BACH2: variants seen among roughly 807,000 people sequenced by gnomAD.
The protein encoded by BACH2 is BACH transcriptional regulator 2, also known as transcription regulator protein BACH2.
BACH2 carries 5 observed loss-of-function variants against 61.8 expected under a neutral mutation model. The ratio of observed to expected loss-of-function variants is 0.08; its 90% CI spans 0.04 to 0.17. The LOEUF (loss-of-function observed/expected upper bound fraction) is 0.17, where lower values mean the gene tolerates loss of function less well. Among genes scored for constraint, BACH2 ranks in the 10% least tolerant of loss-of-function variants. The pLI is 1.00. For synonymous variants in BACH2, 446 were observed against 440.1 expected (o/e 1.01, Z -0.17); for missense variants, 824 against 1,091.1 (o/e 0.76, Z 3.45).
chr6:90,056,563 C>T (rs974293583), intron 5 of BACH2, among the ~76,000 whole-genome samples: 88 of 152,114 alleles, frequency 5.8e-4, no homozygotes, highest in African/African-American at 2.1e-3. Context: ...GACAGATCAA[C>T]GAGACAGAAA....
At chr6:89,934,829 G>A (rs1772911984) in intron 8 of BACH2, among the ~76,000 whole-genome samples, 1 of 151,998 alleles carries the variant, frequency 6.6e-6, no homozygotes, top group South Asian at 2.1e-4. Context: ...AAATGAAGAG[G>A]AGAAAGGGAG....
intron 4 of BACH2, among the ~76,000 whole-genome samples, chr6:90,184,133 G>A (rs781589766): frequency 3.9e-5 from 6 of 152,164 alleles, no homozygotes; most frequent in Admixed American, 3.9e-4. Context: ...CCACAGGCAA[G>A]GTATTCCTGG....
chr6:90,064,698 T>C (rs979388516), intron 5 of BACH2, among the ~76,000 whole-genome samples: 3 of 152,232 alleles, frequency 2.0e-5, no homozygotes, highest in Non-Finnish European at 4.4e-5. Flanking sequence ...GAGCCATAGT[T>C]AAACGCTAAA....
intron 5 of BACH2, among the ~76,000 whole-genome samples, chr6:90,087,852 C>T (rs1273491472): frequency 6.6e-6 from 1 of 152,022 alleles, no homozygotes; most frequent in African/African-American, 2.4e-5. Context: ...GGTATCCACC[C>T]CCTCAAGCAT....
At chr6:90,247,619 T>C (rs1408997958) in intron 3 of BACH2, among the ~76,000 whole-genome samples, 1 of 152,174 alleles carries the variant, frequency 6.6e-6, no homozygotes, top group Non-Finnish European at 1.5e-5. Flanking sequence ...TTTTCTAAAC[T>C]TAGAGGAATT....
chr6:90,125,886 C>T (rs1259027188), intron 4 of BACH2, among the ~76,000 whole-genome samples: 1 of 152,240 alleles, frequency 6.6e-6, no homozygotes, highest in Non-Finnish European at 1.5e-5. Context: ...TCATCCACCC[C>T]TGCCACCCTC....
At chr6:89,977,806 C>T (rs1775735283) in intron 6 of BACH2, among the ~76,000 whole-genome samples, 1 of 152,212 alleles carries the variant, frequency 6.6e-6, no homozygotes, top group Admixed American at 6.5e-5. Context: ...AGCAAAGTCA[C>T]TGCAGTGTTC....
At chr6:90,190,369 T>C (rs1319736528) in intron 4 of BACH2, among the ~76,000 whole-genome samples, 1 of 152,196 alleles carries the variant, frequency 6.6e-6, no homozygotes, top group Non-Finnish European at 1.5e-5. Context: ...CCTGAAAAAA[T>C]GTTCATTCAT....
rs145744018 is a variant in BACH2, at chr6:89,928,121, G to GAAAACA, written c.*4281_*4286dup. The GAAAACA allele has an allele frequency of 0.093, 14,176 of 152,134 alleles. 758 individuals are homozygous for GAAAACA. Among genetic ancestry groups the GAAAACA allele is most frequent in the Middle Eastern group, 0.16 (46 of 292 alleles). 9.4% of individuals were successfully genotyped at this position (152,134 alleles called of 1,614,324 possible). ...GATACAACGAACAGCTTTATTCTTA[G>GAAAACA]AAAACAAAAACAAAAACAAAAAACA... On this transcript the variant is annotated 3_prime_UTR_variant, in exon 9 of 9. Coordinates refer to ENST00000257749, the MANE Select transcript of BACH2 (RefSeq NM_021813.4).
chr6:90,114,072 T>G (rs533144342), intron 4 of BACH2, among the ~76,000 whole-genome samples: 1 of 152,228 alleles, frequency 6.6e-6, no homozygotes, highest in Non-Finnish European at 1.5e-5. Flanking sequence ...GATTCACAGC[T>G]GAATCCCACC....
At chr6:90,127,142 T>C (rs1167583812) in intron 4 of BACH2, among the ~76,000 whole-genome samples, 8 of 152,254 alleles carry the variant, frequency 5.3e-5, no homozygotes, top group Non-Finnish European at 7.3e-5. Context: ...GACACAGTTA[T>C]ACGTTGTTGC....
At chr6:89,934,596 T>A (rs1416943031) in intron 8 of BACH2, among the ~76,000 whole-genome samples, 2 of 151,512 alleles carry the variant, frequency 1.3e-5, no homozygotes, top group Non-Finnish European at 2.9e-5. Context: ...GAGGTGGAGG[T>A]TGCAGTGAGC....
chr6:90,052,959 G>T (rs1188136094), intron 5 of BACH2, among the ~76,000 whole-genome samples: 3 of 151,824 alleles, frequency 2.0e-5, no homozygotes, highest in Non-Finnish European at 4.4e-5. Flanking sequence ...TTTTCTATTT[G>T]TCCTACTTTC....
chr6:90,100,702 G>GACACACACATACACACACACACAGAC lies in BACH2; in HGVS notation c.-161-11594_-161-11593insGTCTGTGTGTGTGTGTATGTGTGTGT, dbSNP rs1190617375. Among the ~76,000 whole-genome samples, 486 of 64,262 alleles carry GACACACACATACACACACACACAGAC rather than the reference G, an allele frequency of 7.6e-3. 3 individuals are homozygous for GACACACACATACACACACACACAGAC. Among genetic ancestry groups the GACACACACATACACACACACACAGAC allele is most frequent in the Non-Finnish European group, 0.01 (305 of 29,962 alleles). 42.2% of individuals were successfully genotyped at this position (64,262 alleles called of 152,430 possible). On this transcript the variant is annotated intron_variant, in intron 4 of 8. Coordinates refer to ENST00000257749, the MANE Select transcript of BACH2 (RefSeq NM_021813.4). The stretch of plus-strand genomic sequence containing the variant: ...CTCTCTCTCTACACACACACACACA[G>GACACACACATACACACACACACAGAC]ACACACACACACACACACACACACA...
chr6:90,159,086 C>A (rs1017259210), intron 4 of BACH2, among the ~76,000 whole-genome samples: 22 of 152,168 alleles, frequency 1.4e-4, no homozygotes, highest in African/African-American at 5.3e-4. Context: ...TCTTCTAAAG[C>A]AGACATTTAA....
chr6:90,138,089 C>G (rs867417722), intron 4 of BACH2, among the ~76,000 whole-genome samples: 46 of 141,410 alleles, frequency 3.3e-4, no homozygotes, highest in Middle Eastern at 7.4e-3. Context: ...CACACACACA[C>G]AGTCTCTCTC....
rs1368727043 is a variant in BACH2, at chr6:90,017,650, C to A, written c.-12-8794G>T. ...ACTGTGGTCCTTATCTCTAAAAGTC[C>A]CCTTTGGTCTTTTATAAAAAATCTT... On this transcript the variant is annotated intron_variant, in intron 5 of 8. Coordinates refer to ENST00000257749, the MANE Select transcript of BACH2 (RefSeq NM_021813.4). Among the ~76,000 whole-genome samples the A allele has an allele frequency of 2.0e-5, 3 of 152,084 alleles. No homozygotes were observed. In the East Asian group the frequency reaches 5.8e-4, roughly 29 times the overall value.
intron 5 of BACH2, among the ~76,000 whole-genome samples, chr6:90,076,988 C>T (rs1390361986): frequency 2.6e-5 from 4 of 152,162 alleles, no homozygotes; most frequent in African/African-American, 9.7e-5. Flanking sequence ...ACCAGCAATG[C>T]GGACATGCAC....
rs895275713 is a variant in BACH2 at position 89,926,947 on chromosome 6, T to C, written c.*5461A>G. ...ACCAGTTATGAGAGGTACAGAGGGT[T>C]ATACAGGTAGATATGTGTGAAAACT... On this transcript the variant is annotated 3_prime_UTR_variant, in exon 9 of 9. Transcript: ENST00000257749. 1 of 152,776 alleles carries C rather than the reference T, an allele frequency of 6.5e-6. No individual in the cohort carries two copies. The highest frequency in any genetic ancestry group is 1.5e-5 in the Non-Finnish European group (1 of 68,044). The allele number at this position is 152,776 out of a possible 1,614,324, so 9.5% of individuals were successfully genotyped here.
Sources: gnomAD v4.1 joint callset for allele counts (sites outside exome capture counted in the v4.1 genomes callset) on GRCh38, gnomAD v4.1.1 for gene constraint, MANE v1.5 for transcripts, NCBI Gene and HGNC (gene_info 2026-07-23, HGNC 2026-07-21) for gene names.